The following INPP4A variants were observed in gnomAD, a reference collection of about 807,000 sequenced individuals.
INPP4A encodes inositol polyphosphate-4-phosphatase, type I, 107kD.
INPP4A carries 33 observed loss-of-function variants against 119.8 expected under a neutral mutation model. That is an observed-to-expected ratio of 0.28 (90% CI 0.21 to 0.37). The LOEUF (loss-of-function observed/expected upper bound fraction) is 0.37, where lower values mean the gene tolerates loss of function less well. Among genes scored for constraint, INPP4A ranks in the 10% least tolerant of loss-of-function variants. INPP4A has a pLI of 1.00. For missense variants in INPP4A, 956 were observed against 1,289.9 expected (o/e 0.74, Z 3.97); for synonymous variants, 496 against 500.7 (o/e 0.99, Z 0.12).
rs943093858 is a variant in INPP4A at position 98,590,479 on chromosome 2, C to G, written c.*2871C>G. 1.6e-5 allele frequency: 3 copies of G among 191,318 alleles called. No individual in the cohort carries two copies. The highest frequency in any genetic ancestry group is 7.0e-5 in the African/African-American group (3 of 42,954). 11.9% of individuals were successfully genotyped at this position (191,318 alleles called of 1,614,324 possible). A position where few individuals can be genotyped will look rare whatever the true frequency, so the allele number is the denominator to read the frequency against. On this transcript the variant is annotated 3_prime_UTR_variant, in exon 25 of 25. Transcript: ENST00000409851. Reference sequence around the variant, plus strand: ...CGTTTCCTCATGTGCAAAGTGTGGACAACAACAGTACCTTCCTCATAAGGA... The same window carrying G: ...CGTTTCCTCATGTGCAAAGTGTGGAGAACAACAGTACCTTCCTCATAAGGA...
At chr2:98,521,788 T>A in intron 4 of INPP4A, 1 of 151,510 alleles carries the variant, frequency 6.6e-6, no homozygotes, top group Middle Eastern at 3.4e-3. Context: ...AAAAAAAACT[T>A]ACCTGGCTGT....
In INPP4A at chr2:98,591,189, C is replaced by T. The variant is rs1700383476; in HGVS notation, c.*3581C>T. 1.1e-5 allele frequency: 2 copies of T among 178,500 alleles called. No individual in the cohort carries two copies. The highest frequency in any genetic ancestry group is 1.3e-4 in the Admixed American group (2 of 15,870). 11.1% of individuals were successfully genotyped at this position (178,500 alleles called of 1,614,324 possible). A position where few individuals can be genotyped will look rare whatever the true frequency, so the allele number is the denominator to read the frequency against. On this transcript the variant is annotated 3_prime_UTR_variant, in exon 25 of 25. Transcript: ENST00000409851. ...CCTGGCTTCACCATGGAAGGTGGGA[C>T]ATATGGGACAGCCATGTCCTTGTGG... is the stretch of plus-strand genomic sequence containing the variant.
At chr2:98,560,638 G>C (rs1315028549) in intron 17 of INPP4A, among the ~76,000 whole-genome samples, 1 of 152,236 alleles carries the variant, frequency 6.6e-6, no homozygotes, top group African/African-American at 2.4e-5. Context: ...TGTACAAACA[G>C]TTGATCTTGG....
intron 1 of INPP4A, among the ~76,000 whole-genome samples, chr2:98,455,355 A>T (rs1195994038): frequency 1.3e-5 from 2 of 152,104 alleles, no homozygotes; most frequent in Non-Finnish European, 2.9e-5. Context: ...AAAGAAAAAA[A>T]AAAGATACCC....
In INPP4A at chr2:98,589,862, T is replaced by C. The variant is rs1700274174; in HGVS notation, c.*2254T>C. The C allele has an allele frequency of 1.0e-5, 2 of 194,122 alleles. No individual in the cohort carries two copies. The highest frequency in any genetic ancestry group is 1.2e-4 in the Admixed American group (2 of 16,386). The allele number at this position is 194,122 out of a possible 1,614,324, so 12.0% of individuals were successfully genotyped here. ...CCCATTTAAAAAGAAAAGAGATCTA[T>C]GGAAAACTGGGAATGTAATGTGGAT... On this transcript the variant is annotated 3_prime_UTR_variant, in exon 25 of 25. Coordinates refer to ENST00000409851, the MANE Select transcript of INPP4A (RefSeq NM_001134225.2).
intron 1 of INPP4A, among the ~76,000 whole-genome samples, chr2:98,491,974 C>T (rs1417786671): frequency 3.3e-5 from 5 of 152,096 alleles, no homozygotes; most frequent in Admixed American, 3.3e-4. Context: ...ACTGCAGCCT[C>T]TGCCCCCTGG....
chr2:98,563,499 C>T lies in INPP4A; in HGVS notation c.1890C>T (p.Thr630=). The T allele has an allele frequency of 6.2e-7, 1 of 1,613,546 alleles. No homozygotes were observed. Among genetic ancestry groups the T allele is most frequent in the Non-Finnish European group, 8.5e-7 (1 of 1,179,714 alleles). The change falls in exon 18 of 25, where the codon ACC becomes ACT. Residue 630 remains threonine, a synonymous_variant. Transcript: ENST00000409851. ...GTGAGGCCCTTTACCCGCTGCTGAC[C>T]ACTCTCACCGACTGCGTGGCCATGA... ...EWSEALYPLL[T]TLTDCVAMMS... is the part of the protein sequence containing the mutation.
At position 98,543,981 on chromosome 2, in the gene INPP4A, A is replaced by G; in HGVS notation, c.923A>G (p.Asn308Ser). Residue 308 changes from asparagine to serine, a missense_variant, in exon 11 of 25, where the codon AAC (asparagine) becomes AGC (serine). Coordinates refer to ENST00000409851, the MANE Select transcript of INPP4A (RefSeq NM_001134225.2). ...ACCATCATCCTCACATACCAGGAGA[A>G]CCTGACCGACCTCCATCAGTACAGA... ...YQTIILTYQE[N>S]LTDLHQYRGP... The G allele has an allele frequency of 6.4e-7, 1 of 1,571,092 alleles. No homozygotes were observed. The highest frequency in any genetic ancestry group is 2.3e-5 in the East Asian group (1 of 42,582).
Position 98,523,269 on chromosome 2 carries a change from C to T in INPP4A, c.151+2538C>T, listed in dbSNP as rs987042429. On this transcript the variant is annotated intron_variant, in intron 4 of 24. Coordinates refer to ENST00000409851, the MANE Select transcript of INPP4A (RefSeq NM_001134225.2). ...TCAGGACATTTCTGAATCTGGTGAACGAAAAACAGTAATATAGTCATGTTA... is the reference window on the plus strand; with the variant it reads ...TCAGGACATTTCTGAATCTGGTGAATGAAAAACAGTAATATAGTCATGTTA... Among the ~76,000 whole-genome samples, 3 of 151,996 alleles carry T rather than the reference C, an allele frequency of 2.0e-5. No homozygotes were observed. The South Asian group carries it at 6.2e-4, about 32-fold the overall frequency.
At chr2:98,552,626 A>T in intron 13 of INPP4A, 160 bp from the exon 14 acceptor site, 1 of 748,968 alleles carries the variant, frequency 1.3e-6, no homozygotes, top group East Asian at 2.5e-5. Flanking sequence ...AGAATCTCCT[A>T]AGATATACTT....
chr2:98,565,535 C>A, intron 19 of INPP4A, 105 bp from the exon 20 acceptor site: 1 of 1,285,740 alleles, frequency 7.8e-7, no homozygotes, highest in East Asian at 2.6e-5. Flanking sequence ...GCCACACCTG[C>A]ACCCCTCCTG....
At chr2:98,464,113 C>T (rs1476833398) in intron 1 of INPP4A, among the ~76,000 whole-genome samples, 3 of 152,152 alleles carry the variant, frequency 2.0e-5, no homozygotes, top group African/African-American at 7.2e-5. Flanking sequence ...TTTGAGGCTC[C>T]ACCCTGAGCT....
At chr2:98,545,876 C>T in intron 11 of INPP4A, 93 bp from the exon 12 acceptor site, 4 of 856,134 alleles carry the variant, frequency 4.7e-6, no homozygotes, top group Non-Finnish European at 7.2e-6. Flanking sequence ...TGCTTATATG[C>T]CACAGCATCC....
intron 14 of INPP4A, among the ~76,000 whole-genome samples, chr2:98,553,816 G>T (rs971317805): frequency 2.6e-5 from 4 of 152,214 alleles, no homozygotes; most frequent in African/African-American, 9.6e-5. Flanking sequence ...GTGCCAGGAG[G>T]CCAGCTACCC....
At chr2:98,497,480 A>G (rs1682234305) in intron 1 of INPP4A, among the ~76,000 whole-genome samples, 2 of 152,328 alleles carry the variant, frequency 1.3e-5, no homozygotes, top group Middle Eastern at 3.4e-3. Context: ...AAAGCCACAG[A>G]CACTCAACGC....
At chr2:98,481,978 C>T (rs1678562117) in intron 1 of INPP4A, among the ~76,000 whole-genome samples, 2 of 152,208 alleles carry the variant, frequency 1.3e-5, no homozygotes, top group African/African-American at 2.4e-5. Context: ...CAACTCAACA[C>T]TGTGTACTTT....
At chr2:98,472,543 C>G (rs1055058308) in intron 1 of INPP4A, among the ~76,000 whole-genome samples, 2 of 152,250 alleles carry the variant, frequency 1.3e-5, no homozygotes, top group African/African-American at 4.8e-5. Flanking sequence ...GAAGTGCTCT[C>G]TCTGTCATGC....
chr2:98,537,232 T>C (rs1371315172), intron 7 of INPP4A, among the ~76,000 whole-genome samples: 2 of 152,176 alleles, frequency 1.3e-5, no homozygotes, highest in African/African-American at 2.4e-5. Context: ...ACCTTGTAAA[T>C]AGAAAGCCTG....
intron 1 of INPP4A, among the ~76,000 whole-genome samples, chr2:98,496,139 G>T (rs1681888044): frequency 6.6e-6 from 1 of 152,070 alleles, no homozygotes; most frequent in African/African-American, 2.4e-5. Flanking sequence ...TTCAAAGGGA[G>T]GAGGGTATAA....
Sources: allele counts gnomAD v4.1 joint callset (sites outside exome capture counted in the v4.1 genomes callset), GRCh38; gene constraint gnomAD v4.1.1; transcripts MANE v1.5; gene names NCBI Gene and HGNC (gene_info 2026-07-23, HGNC 2026-07-21).